The following EBF1 variants were observed in gnomAD, a reference collection of about 807,000 sequenced individuals.
The protein encoded by EBF1 is transcription factor COE1.
In EBF1, 10 loss-of-function variants were observed where a neutral mutation model predicts 68.4. That is an observed-to-expected ratio of 0.15 (90% CI 0.09 to 0.25). The LOEUF (loss-of-function observed/expected upper bound fraction) is 0.25, where lower values mean the gene tolerates loss of function less well. Ranked by LOEUF, EBF1 falls within the 10% of genes least tolerant of loss-of-function variation. EBF1 has a pLI of 1.00. For missense variants in EBF1, 509 were observed against 794.4 expected, an observed-to-expected ratio of 0.64 and a Z score of 4.32; for synonymous variants, 298 against 299.8, an observed-to-expected ratio of 0.99 and a Z score of 0.06.
intron 6 of EBF1, among the ~76,000 whole-genome samples, chr5:158,935,343 C>T (rs774647687): frequency 3.3e-5 from 5 of 152,176 alleles, no homozygotes; most frequent in African/African-American, 9.7e-5. Flanking sequence ...GGACACATTC[C>T]GGAGACGCAA....
At chr5:158,798,528 C>T (rs1779996532) in intron 8 of EBF1, among the ~76,000 whole-genome samples, 1 of 152,148 alleles carries the variant, frequency 6.6e-6, no homozygotes, top group African/African-American at 2.4e-5. Flanking sequence ...AACCCTCCTA[C>T]AGGAAAGGCC....
chr5:159,066,622 C>T (rs1044474381), intron 6 of EBF1, among the ~76,000 whole-genome samples: 1 of 128,570 alleles, frequency 7.8e-6, no homozygotes, highest in African/African-American at 3.1e-5. Context: ...ATTAGGAATA[C>T]ATGCACAGAC....
At chr5:158,755,848 C>T (rs971668364) in intron 10 of EBF1, among the ~76,000 whole-genome samples, 1 of 151,938 alleles carries the variant, frequency 6.6e-6, no homozygotes, top group African/African-American at 2.4e-5. Flanking sequence ...AAAACTAGTG[C>T]CCAAATATTC....
chr5:158,823,416 T>C (rs1582236153), intron 7 of EBF1, 99 bp from the exon 8 acceptor site: 8 of 1,162,574 alleles, frequency 6.9e-6, no homozygotes, highest in East Asian at 2.6e-5. Context: ...CTGAAGAAAA[T>C]TGCATAGCTA....
chr5:158,918,014 A>T (rs78464345), intron 6 of EBF1, among the ~76,000 whole-genome samples: 1 of 152,296 alleles, frequency 6.6e-6, no homozygotes, highest in Admixed American at 6.5e-5. Context: ...GCCATTGAAG[A>T]CAGAAGAGAG....
At chr5:159,082,986 C>T (rs1779988306) in intron 5 of EBF1, among the ~76,000 whole-genome samples, 1 of 152,068 alleles carries the variant, frequency 6.6e-6, no homozygotes, top group Non-Finnish European at 1.5e-5. Flanking sequence ...AGAGGGTAGG[C>T]CTGTGTGTGA....
intron 6 of EBF1, among the ~76,000 whole-genome samples, chr5:158,909,807 C>T (rs1249870753): frequency 6.6e-6 from 1 of 151,824 alleles, no homozygotes; most frequent in Non-Finnish European, 1.5e-5. Context: ...CGTGGTGGCA[C>T]AGGCCTTTAA....
chr5:159,078,537 T>C (rs1441588376), intron 5 of EBF1, among the ~76,000 whole-genome samples: 2 of 152,228 alleles, frequency 1.3e-5, no homozygotes, highest in Non-Finnish European at 2.9e-5. Flanking sequence ...ACGATGTGTG[T>C]TGGGCACTGT....
At chr5:158,988,871 AT>A (rs1759687854) in intron 6 of EBF1, among the ~76,000 whole-genome samples, 1 of 152,154 alleles carries the variant, frequency 6.6e-6, no homozygotes, top group Non-Finnish European at 1.5e-5. Flanking sequence ...AGGGAAAAGA[AT>A]TTTTTAAACC....
rs941094794 is a variant in EBF1, at chr5:158,704,418, G to T, written c.1744+3561C>A. 2.0e-5 allele frequency among the ~76,000 whole-genome samples: 3 copies of T among 152,116 alleles called. No individual in the cohort carries two copies. In the South Asian group the frequency reaches 6.2e-4, roughly 32 times the overall value. On this transcript the variant is annotated intron_variant, in intron 15 of 15. Transcript: ENST00000313708. ...AAATAGGCCTTGAAAACACTTAAATGGCCTAAATGTGGCACCTCTAATCTT... is the reference window on the plus strand; with the variant it reads ...AAATAGGCCTTGAAAACACTTAAATTGCCTAAATGTGGCACCTCTAATCTT...
intron 6 of EBF1, among the ~76,000 whole-genome samples, chr5:158,991,980 T>C (rs1760417405): frequency 6.6e-6 from 1 of 152,112 alleles, no homozygotes; most frequent in Admixed American, 6.5e-5. Flanking sequence ...CAAGACTCAG[T>C]CTCCTCCTCT....
intron 10 of EBF1, among the ~76,000 whole-genome samples, chr5:158,757,962 G>A (rs1156538184): frequency 6.6e-6 from 1 of 152,128 alleles, no homozygotes; most frequent in Non-Finnish European, 1.5e-5. Flanking sequence ...AAACCAAATG[G>A]AAGTAAACTC....
chr5:158,698,934 C>G lies in EBF1; in HGVS notation c.*177G>C. 1 of 492,548 alleles carries G rather than the reference C, an allele frequency of 2.0e-6. No homozygotes were observed. The highest frequency in any genetic ancestry group is 5.5e-5 in the South Asian group (1 of 18,274). 30.5% of individuals were successfully genotyped at this position (492,548 alleles called of 1,614,324 possible). Reference sequence around the variant, plus strand: ...AACCAACACCCTGCACTTGCAGATCCCTCTTCCAATTTCAGTATTTGCAAG... The same window carrying G: ...AACCAACACCCTGCACTTGCAGATCGCTCTTCCAATTTCAGTATTTGCAAG... On this transcript the variant is annotated 3_prime_UTR_variant, in exon 16 of 16. Transcript: ENST00000313708.
chr5:158,853,842 G>GA (rs747829248), intron 6 of EBF1, among the ~76,000 whole-genome samples: 1 of 152,086 alleles, frequency 6.6e-6, no homozygotes, highest in Non-Finnish European at 1.5e-5. Flanking sequence ...CAAAATGATA[G>GA]AAGCTTTTAA....
intron 6 of EBF1, among the ~76,000 whole-genome samples, chr5:158,912,885 T>TGCA (rs1806322985): frequency 6.6e-6 from 1 of 152,196 alleles, no homozygotes; most frequent in Non-Finnish European, 1.5e-5. Flanking sequence ...GCAGGTAGTA[T>TGCA]AGATGCTGAC....
At chr5:158,790,319 A>C (rs1399745465) in intron 9 of EBF1, among the ~76,000 whole-genome samples, 1 of 152,242 alleles carries the variant, frequency 6.6e-6, no homozygotes, top group Non-Finnish European at 1.5e-5. Context: ...ATTGGAGAAT[A>C]ATGGCTCTAA....
chr5:158,984,985 A>T (rs72813905), intron 6 of EBF1, among the ~76,000 whole-genome samples: 6 of 152,168 alleles, frequency 3.9e-5, no homozygotes, highest in Admixed American at 6.5e-5. Context: ...ACTCAGCCCA[A>T]TGCTGCTTTC....
chr5:158,928,205 AATGGGG>A (rs2127429606), intron 6 of EBF1, among the ~76,000 whole-genome samples: 1 of 152,290 alleles, frequency 6.6e-6, no homozygotes, highest in South Asian at 2.1e-4. Context: ...TCATCTGTGA[AATGGGG>A]ATGACAATAG....
At chr5:158,994,714 T>C (rs1041560031) in intron 6 of EBF1, among the ~76,000 whole-genome samples, 3 of 152,190 alleles carry the variant, frequency 2.0e-5, no homozygotes, top group Non-Finnish European at 2.9e-5. Context: ...CAGAAATTCA[T>C]TTCAACCTCA....
Sources: allele counts gnomAD v4.1 joint callset (sites outside exome capture counted in the v4.1 genomes callset), GRCh38; gene constraint gnomAD v4.1.1; transcripts MANE v1.5; gene names NCBI Gene and HGNC (gene_info 2026-07-23, HGNC 2026-07-21).